Variants in SSH2 observed in about 807,000 individuals in gnomAD.
The protein encoded by SSH2 is slingshot protein phosphatase 2, also known as protein phosphatase Slingshot homolog 2.
In SSH2, 37 loss-of-function variants were observed where a neutral mutation model predicts 135.2. The observed-to-expected ratio is 0.27, with a 90% CI of 0.21 to 0.36. SSH2 has a LOEUF of 0.36. Ranked by LOEUF, SSH2 falls within the 10% of genes least tolerant of loss-of-function variation. SSH2 has a pLI of 1.00. For missense variants in SSH2, 1,408 were observed against 1,765.3 expected (o/e 0.80, Z 3.63); for synonymous variants, 628 against 646.2 (o/e 0.97, Z 0.43).
At chr17:29,818,249 CT>C (rs1230051948) in intron 2 of SSH2, among the ~76,000 whole-genome samples, 776 of 133,794 alleles carry the variant, frequency 5.8e-3, no homozygotes, top group Non-Finnish European at 6.4e-3. Flanking sequence ...GGTATTCTTC[CT>C]TTTTTTTTTT....
intron 1 of SSH2, among the ~76,000 whole-genome samples, chr17:29,911,987 A>G (rs2066774085): frequency 1.3e-5 from 2 of 152,316 alleles, no homozygotes; most frequent in East Asian, 3.9e-4. Context: ...TAAAATGGAA[A>G]GCCATATACT....
intron 5 of SSH2, among the ~76,000 whole-genome samples, chr17:29,685,071 G>A (rs933911534): frequency 2.0e-5 from 3 of 152,208 alleles, no homozygotes; most frequent in Non-Finnish European, 4.4e-5. Flanking sequence ...TGGTCTCAGA[G>A]ATGCAATTCC....
intron 2 of SSH2, among the ~76,000 whole-genome samples, chr17:29,843,793 T>C (rs1490922740): frequency 2.0e-5 from 3 of 152,088 alleles, no homozygotes; most frequent in African/African-American, 7.2e-5. Flanking sequence ...TTGATAACTT[T>C]TAAAAATTCT....
At position 29,910,368 on chromosome 17, in the gene SSH2, T is replaced by C. The variant is rs570717981; in HGVS notation, c.63+19570A>G. Among the ~76,000 whole-genome samples the C allele has an allele frequency of 4.6e-4, 70 of 152,298 alleles. No individual in the cohort carries two copies. The Middle Eastern group carries it at 0.014, about 30-fold the overall frequency. ...TAAGAAAAGGAAGGCCCTATTTGTC[T>C]TCCTGTATGGCAATGCTGCAGATAC... On this transcript the variant is annotated intron_variant, in intron 1 of 15. Coordinates refer to ENST00000540801, the MANE Select transcript of SSH2 (RefSeq NM_001282129.2).
At chr17:29,764,151 AT>A (rs1337759653) in intron 3 of SSH2, among the ~76,000 whole-genome samples, 1 of 152,076 alleles carries the variant, frequency 6.6e-6, no homozygotes, top group Non-Finnish European at 1.5e-5. Context: ...GGGTTTCACC[AT>A]GTTGGCCAGG....
chr17:29,864,262 G>T (rs1004431868), intron 1 of SSH2: 1 of 151,390 alleles, frequency 6.6e-6, no homozygotes, highest in Admixed American at 6.6e-5. Flanking sequence ...CCAAGATTGC[G>T]CCATTGCACT....
intron 3 of SSH2, among the ~76,000 whole-genome samples, chr17:29,719,278 A>G (rs867205327): frequency 6.6e-5 from 10 of 152,300 alleles, no homozygotes; most frequent in Admixed American, 3.9e-4. Context: ...ACGTCCATCA[A>G]TGTTCTCTTT....
At chr17:29,727,685 C>T (rs1299413724) in intron 3 of SSH2, among the ~76,000 whole-genome samples, 1 of 152,152 alleles carries the variant, frequency 6.6e-6, no homozygotes, top group Non-Finnish European at 1.5e-5. Context: ...GCAATTGTAA[C>T]ACTTAAAAAG....
intron 3 of SSH2, among the ~76,000 whole-genome samples, chr17:29,766,717 C>CTAT (rs2041456121): frequency 6.6e-6 from 1 of 151,960 alleles, no homozygotes; most frequent in African/African-American, 2.4e-5. Context: ...ACCACAGGAC[C>CTAT]TATTTGTATT....
chr17:29,664,859 TGAG>T (rs2037206834), intron 11 of SSH2, among the ~76,000 whole-genome samples: 1 of 152,164 alleles, frequency 6.6e-6, no homozygotes, highest in African/African-American at 2.4e-5. Context: ...ATATACCATT[TGAG>T]GAGTAGTTCT....
At chr17:29,877,288 TACA>T (rs2066051720) in intron 1 of SSH2, among the ~76,000 whole-genome samples, 1 of 152,212 alleles carries the variant, frequency 6.6e-6, no homozygotes, top group South Asian at 2.1e-4. Context: ...TGTAAATTAA[TACA>T]ACCACTATGG....
At chr17:29,702,724 T>C (rs146341475) in intron 4 of SSH2, among the ~76,000 whole-genome samples, 189 of 152,316 alleles carry the variant, frequency 1.2e-3, no homozygotes, top group Admixed American at 3.9e-3. Context: ...ATTATTTTGG[T>C]ACCGTCTTAT....
At chr17:29,651,857 G>C (rs897117842) in intron 12 of SSH2, among the ~76,000 whole-genome samples, 1 of 152,004 alleles carries the variant, frequency 6.6e-6, no homozygotes, top group African/African-American at 2.4e-5. Flanking sequence ...TAAAAAGCGA[G>C]CTTGGCCAGG....
At chr17:29,914,472 G>C (rs2066844506) in intron 1 of SSH2, among the ~76,000 whole-genome samples, 1 of 151,458 alleles carries the variant, frequency 6.6e-6, no homozygotes, top group Admixed American at 6.6e-5. Context: ...GGCTGAGGTG[G>C]TAGGATGGCT....
At chr17:29,727,303 G>A (rs1480767737) in intron 3 of SSH2, among the ~76,000 whole-genome samples, 1 of 152,174 alleles carries the variant, frequency 6.6e-6, no homozygotes, top group East Asian at 1.9e-4. Context: ...ATCAAAAGAA[G>A]ACAAGTGAAT....
intron 2 of SSH2, among the ~76,000 whole-genome samples, chr17:29,836,217 G>A (rs1326159806): frequency 6.6e-6 from 1 of 152,054 alleles, no homozygotes; most frequent in Non-Finnish European, 1.5e-5. Context: ...TAATAGATGT[G>A]TGATCCTAAG....
In SSH2 at chr17:29,891,002, C is replaced by T. The variant is rs938633873; in HGVS notation, c.63+38936G>A. On this transcript the variant is annotated intron_variant, in intron 1 of 15. Coordinates refer to ENST00000540801, the MANE Select transcript of SSH2 (RefSeq NM_001282129.2). ...ATCTCTTGACCTCGTGATCTGCCTG[C>T]CTCAGCCTCCCAAAGTGCTGGGATT... Among the ~76,000 whole-genome samples the T allele has an allele frequency of 1.3e-5, 2 of 152,150 alleles. 1 individual carries two copies. The highest frequency in any genetic ancestry group is 4.1e-4 in the South Asian group (2 of 4,834).
At chr17:29,888,931 C>CAAAAAAAAAAAAAAA (rs1175371440) in intron 1 of SSH2, among the ~76,000 whole-genome samples, 4 of 42,082 alleles carry the variant, frequency 9.5e-5, no homozygotes, top group Non-Finnish European at 1.6e-4. Flanking sequence ...GACACTATCT[C>CAAAAAAAAAAAAAAA]AAAAAAAAAA....
Position 29,631,723 on chromosome 17 carries a change from A to G in SSH2, c.3471T>C (p.Asp1157=), listed in dbSNP as rs2035681991. Residue 1157 remains aspartate (D), a synonymous_variant, in exon 16 of 16, where the codon GAT becomes GAC. Coordinates refer to ENST00000540801, the MANE Select transcript of SSH2 (RefSeq NM_001282129.2). The part of the protein sequence containing the change: ...HTTHLLSASL[D]YLHPQTMVHL... ...GAACCATAGTCTGGGGATGCAGGTAATCCAAACTGGCAGACAGTAAATGGG... is the reference window on the plus strand; with the variant it reads ...GAACCATAGTCTGGGGATGCAGGTAGTCCAAACTGGCAGACAGTAAATGGG... 3 of 1,613,996 alleles carry G rather than the reference A, an allele frequency of 1.9e-6. No homozygotes were observed. Among genetic ancestry groups the G allele is most frequent in the African/African-American group, 2.7e-5 (2 of 74,900 alleles).
Sources: allele counts gnomAD v4.1 joint callset (sites outside exome capture counted in the v4.1 genomes callset), GRCh38; gene constraint gnomAD v4.1.1; transcripts MANE v1.5; gene names NCBI Gene and HGNC (gene_info 2026-07-23, HGNC 2026-07-21).